The following SCEL variants were observed in gnomAD, a reference collection of about 807,000 sequenced individuals.
The protein encoded by SCEL is sciellin.
SCEL carries 113 observed loss-of-function variants against 117.6 expected under a neutral mutation model. The ratio of observed to expected loss-of-function variants is 0.96; its 90% CI spans 0.83 to 1.12. The LOEUF (loss-of-function observed/expected upper bound fraction) is 1.12, where lower values mean the gene tolerates loss of function less well. Among genes scored for constraint, SCEL ranks in the 50% most tolerant of loss-of-function variants. SCEL has a pLI of 0.00. For missense variants in SCEL, 785 were observed against 810.8 expected, an observed-to-expected ratio of 0.97 and a Z score of 0.39; for synonymous variants, 270 against 256.2, an observed-to-expected ratio of 1.05 and a Z score of -0.51.
At position 77,596,688 on chromosome 13, in the gene SCEL, GGTGTGT is replaced by G. The variant is rs71102762; in HGVS notation, c.753-827_753-822del. On this transcript the variant is annotated intron_variant, in intron 12 of 32. Transcript: ENST00000349847. ...GAGGAAGGCAAGAGAGGTGGGGCAA[GGTGTGT>G]GTGTGTGTGTGTGTGTGTGTGTGTG... Among the ~76,000 whole-genome samples, 202 of 145,420 alleles carry G rather than the reference GGTGTGT, an allele frequency of 1.4e-3. 2 individuals carry two copies. The East Asian group carries it at 0.025, about 18-fold the overall frequency.
chr13:77,633,012 G>C (rs548760795), intron 28 of SCEL, among the ~76,000 whole-genome samples: 105 of 152,312 alleles, frequency 6.9e-4, no homozygotes, highest in African/African-American at 2.2e-3. Flanking sequence ...GATGATTTCT[G>C]TCCTTGATAA....
chr13:77,557,630 C>T lies in SCEL; in HGVS notation c.161+917C>T, dbSNP rs529075560. ...CATGGCCCATTGTTTTTCCATTACA[C>T]GAATGTTTCTCAACCAGGGGCAATT... On this transcript the variant is annotated intron_variant, in intron 3 of 32. Coordinates refer to ENST00000349847, the MANE Select transcript of SCEL (RefSeq NM_144777.3). Among the ~76,000 whole-genome samples the T allele has an allele frequency of 1.3e-3, 203 of 152,228 alleles. 1 individual carries two copies. The highest frequency in any genetic ancestry group is 4.6e-3 in the African/African-American group (190 of 41,542).
intron 7 of SCEL, among the ~76,000 whole-genome samples, 196 bp downstream of exon 7, chr13:77,568,529 T>A (rs1024694371): frequency 2.0e-5 from 3 of 152,132 alleles, no homozygotes; most frequent in Non-Finnish European, 4.4e-5. Flanking sequence ...AAAAAAAAGA[T>A]TGCCAATCAT....
intron 1 of SCEL, among the ~76,000 whole-genome samples, chr13:77,551,418 T>G (rs1015570303): frequency 6.6e-6 from 1 of 152,194 alleles, no homozygotes; most frequent in Admixed American, 6.5e-5. Context: ...TCATAAGGAC[T>G]CCATAGTTTG....
chr13:77,609,267 AT>A, intron 21 of SCEL, 150 bp downstream of exon 21: 1 of 653,166 alleles, frequency 1.5e-6, no homozygotes. Flanking sequence ...AATGTTAAAA[AT>A]TTTGGTCAAC....
At chr13:77,556,760 G>A (rs891632841) in intron 3 of SCEL, 47 bp downstream of exon 3, 11 of 1,280,082 alleles carry the variant, frequency 8.6e-6, no homozygotes, top group Admixed American at 8.5e-5. Flanking sequence ...GCAGAGAGAG[G>A]CATTATCTGT....
Position 77,619,841 on chromosome 13 carries a change from T to A in SCEL, c.1628+1781T>A, listed in dbSNP as rs149040381. ...TAATAACTGACAGTGAAAAATGTAG[T>A]CTCTCACTTTCTCTCCCACATCCCC... On this transcript the variant is annotated intron_variant, in intron 27 of 32. Coordinates refer to ENST00000349847, the MANE Select transcript of SCEL (RefSeq NM_144777.3). 1.7e-4 allele frequency among the ~76,000 whole-genome samples: 26 copies of A among 152,230 alleles called. No homozygotes were observed. In the East Asian group the frequency reaches 4.2e-3, roughly 25 times the overall value.
chr13:77,586,052 T>C (rs901144395), intron 9 of SCEL, among the ~76,000 whole-genome samples: 4 of 152,162 alleles, frequency 2.6e-5, no homozygotes, highest in African/African-American at 9.6e-5. Flanking sequence ...AGCCATGCCC[T>C]TGTGAGCTTC....
At chr13:77,591,993 AT>A (rs1359527221) in intron 11 of SCEL, among the ~76,000 whole-genome samples, 1 of 152,106 alleles carries the variant, frequency 6.6e-6, no homozygotes, top group South Asian at 2.1e-4. Context: ...TTAGTCTAGC[AT>A]TTGTTCTGGA....
intron 9 of SCEL, 70 bp from the exon 10 acceptor site, chr13:77,589,074 A>C (rs2086720632): frequency 9.0e-7 from 1 of 1,110,862 alleles, no homozygotes; most frequent in Non-Finnish European, 1.4e-6. Context: ...CAATAAATGC[A>C]TTCAGTTAAT....
chr13:77,589,271 G>C, intron 10 of SCEL, 47 bp downstream of exon 10: 1 of 1,418,030 alleles, frequency 7.1e-7, no homozygotes, highest in African/African-American at 1.4e-5. Flanking sequence ...AAGTTCAAGG[G>C]AAATGAAAGT....
chr13:77,590,906 T>C (rs1033401109), intron 10 of SCEL, among the ~76,000 whole-genome samples: 1 of 152,074 alleles, frequency 6.6e-6, no homozygotes, highest in Admixed American at 6.5e-5. Flanking sequence ...TAATAAAATT[T>C]AATTCTGTCA....
At chr13:77,623,621 G>T (rs891891178) in intron 27 of SCEL, 4 of 152,176 alleles carry the variant, frequency 2.6e-5, no homozygotes, top group Admixed American at 2.0e-4. Flanking sequence ...TTGAAGGCAC[G>T]CATAGGTTGC....
intron 1 of SCEL, among the ~76,000 whole-genome samples, chr13:77,549,450 C>T (rs546157059): frequency 8.1e-4 from 123 of 152,324 alleles, no homozygotes; most frequent in Non-Finnish European, 1.5e-3. Context: ...TAGAATATCA[C>T]ATTCTCTTAT....
At chr13:77,627,182 G>T (rs1012866662) in intron 27 of SCEL, among the ~76,000 whole-genome samples, 1 of 152,098 alleles carries the variant, frequency 6.6e-6, no homozygotes, top group Non-Finnish European at 1.5e-5. Context: ...TCTAAGAATT[G>T]ATTTCAGGTG....
chr13:77,610,830 A>C lies in SCEL; in HGVS notation c.1337+724A>C, dbSNP rs80262920. On this transcript the variant is annotated intron_variant, in intron 22 of 32. Transcript: ENST00000349847. ...AAACAACTCTTAAAGTTGGGAAGTCATTTAAAAAATTATTCTCAGTTCATT... is the reference window on the plus strand; with the variant it reads ...AAACAACTCTTAAAGTTGGGAAGTCCTTTAAAAAATTATTCTCAGTTCATT... 4.7e-3 allele frequency among the ~76,000 whole-genome samples: 719 copies of C among 152,332 alleles called. 9 individuals are homozygous for C. Among genetic ancestry groups the C allele is most frequent in the African/African-American group, 0.016 (669 of 41,578 alleles).
chr13:77,574,694 G>T (rs1482097122), intron 9 of SCEL, among the ~76,000 whole-genome samples: 1 of 152,128 alleles, frequency 6.6e-6, no homozygotes, highest in Non-Finnish European at 1.5e-5. Flanking sequence ...AATGATGAAA[G>T]GGAGTAAAGG....
intron 5 of SCEL, among the ~76,000 whole-genome samples, chr13:77,564,487 G>A (rs1166265936): frequency 6.6e-6 from 1 of 152,092 alleles, no homozygotes; most frequent in African/African-American, 2.4e-5. Flanking sequence ...TCTCTACAGG[G>A]AAAATAGGGC....
intron 24 of SCEL, among the ~76,000 whole-genome samples, chr13:77,614,498 T>C (rs1281338436): frequency 6.6e-6 from 1 of 152,170 alleles, no homozygotes; most frequent in Non-Finnish European, 1.5e-5. Context: ...AGTGAGATAA[T>C]GAAACTCACT....
Sources: gnomAD v4.1 joint callset for allele counts (sites outside exome capture counted in the v4.1 genomes callset) on GRCh38, gnomAD v4.1.1 for gene constraint, MANE v1.5 for transcripts, NCBI Gene and HGNC (gene_info 2026-07-23, HGNC 2026-07-21) for gene names.